Variants in VPS26B observed in about 807,000 individuals in gnomAD.
VPS26B encodes VPS26 retromer complex component B.
Under a neutral mutation model 33.3 loss-of-function variants are expected in VPS26B, and 10 were observed. The observed-to-expected ratio is 0.30, with a 90% confidence interval of 0.19 to 0.51. VPS26B has a LOEUF of 0.51. VPS26B is among the 20% of genes least tolerant of loss of function. The pLI is 0.98. For synonymous variants in VPS26B, 190 were observed against 176.9 expected, an observed-to-expected ratio of 1.07 and a Z score of -0.59; for missense variants, 317 against 452.7, an observed-to-expected ratio of 0.70 and a Z score of 2.72.
rs1938818532 is a variant in VPS26B at position 134,246,289 on chromosome 11, T to C, written c.*699T>C. 1 of 152,388 alleles carries C rather than the reference T, an allele frequency of 6.6e-6. No individual in the cohort carries two copies. The highest frequency in any genetic ancestry group is 2.1e-4 in the South Asian group (1 of 4,830). The allele number at this position is 152,388 out of a possible 1,614,324, so 9.4% of individuals were successfully genotyped here. A position where few individuals can be genotyped will look rare whatever the true frequency, so the allele number is the denominator to read the frequency against. ...CAGTGTCGTGCACGGATGGCGGCAG[T>C]GTTGAACCCAGGAGGCTGAACCCGG... On this transcript the variant is annotated 3_prime_UTR_variant, in exon 6 of 6. Coordinates refer to ENST00000281187, the MANE Select transcript of VPS26B (RefSeq NM_052875.5).
Position 134,247,121 on chromosome 11 carries a change from T to C in VPS26B, c.*1531T>C, listed in dbSNP as rs492761. On this transcript the variant is annotated 3_prime_UTR_variant, in exon 6 of 6. Transcript: ENST00000281187. ...GCTGAGACTGGAGGGAGAGGCATTT[T>C]GGGTAGCCTAGGAGGGCGACTGGCG... is the stretch of plus-strand genomic sequence containing the variant. 0.97 allele frequency: 147,783 copies of C among 152,290 alleles called. 71,790 individuals carry two copies. The highest frequency in any genetic ancestry group is 0.99 in the African/African-American group (40,971 of 41,526). The allele number at this position is 152,290 out of a possible 1,614,324, so 9.4% of individuals were successfully genotyped here.
intron 2 of VPS26B, among the ~76,000 whole-genome samples, chr11:134,237,872 G>T (rs1462841480): frequency 6.6e-6 from 1 of 152,180 alleles, no homozygotes; most frequent in Admixed American, 6.5e-5. Context: ...TGCAGAACCC[G>T]CCTTGTGACA....
chr11:134,234,077 G>A (rs1479891943), intron 1 of VPS26B, among the ~76,000 whole-genome samples: 3 of 152,160 alleles, frequency 2.0e-5, no homozygotes, highest in African/African-American at 7.2e-5. Flanking sequence ...AAACACTAGG[G>A]TGGAGTCCAG....
At chr11:134,241,224 T>A (rs1022991387) in intron 3 of VPS26B, among the ~76,000 whole-genome samples, 2 of 152,220 alleles carry the variant, frequency 1.3e-5, no homozygotes, top group African/African-American at 4.8e-5. Context: ...ATTTTCATTG[T>A]GGCACCCCCT....
At chr11:134,242,994 G>T in intron 3 of VPS26B, 125 bp from the exon 4 acceptor site, 1 of 883,140 alleles carries the variant, frequency 1.1e-6, no homozygotes, top group East Asian at 2.6e-5. Context: ...GGGCAGTGAT[G>T]GGTGAGTGTG....
chr11:134,239,095 C>T (rs1339162318), intron 2 of VPS26B, among the ~76,000 whole-genome samples: 1 of 152,116 alleles, frequency 6.6e-6, no homozygotes, highest in Non-Finnish European at 1.5e-5. Flanking sequence ...GCTGCACTGG[C>T]GGGCCACAGA....
At chr11:134,243,744 A>C (rs541687560) in intron 4 of VPS26B, 5 of 155,094 alleles carry the variant, frequency 3.2e-5, no homozygotes, top group African/African-American at 1.2e-4. Context: ...TAGAAAGAGC[A>C]CTACTAGATA....
Position 134,240,744 on chromosome 11 carries a change from A to G in VPS26B, c.545+589A>G, listed in dbSNP as rs1020515040. Among the ~76,000 whole-genome samples the G allele has an allele frequency of 6.6e-6, 1 of 151,502 alleles. No homozygotes were observed. The highest frequency in any genetic ancestry group is 1.5e-5 in the Non-Finnish European group (1 of 67,932). ...CCTACAAGTAGCTAGGAGCACAGGC[A>G]TGCACCGCCACACCCAGCTAATTTG... On this transcript the variant is annotated intron_variant, in intron 3 of 5. Transcript: ENST00000281187. This position sits in a 1 kb window ranked among gnomAD's most constrained non-coding sequence, Gnocchi z 4.4.
At chr11:134,228,267 A>G (rs1339807413) in intron 1 of VPS26B, among the ~76,000 whole-genome samples, 3 of 151,728 alleles carry the variant, frequency 2.0e-5, no homozygotes, top group East Asian at 3.9e-4. Context: ...TTGGAGGCAC[A>G]GAGTGACTTT....
intron 2 of VPS26B, 21 bp downstream of exon 2, chr11:134,235,074 C>T: frequency 6.2e-7 from 1 of 1,608,598 alleles, no homozygotes; most frequent in Non-Finnish European, 8.5e-7. Context: ...TCTGCTGGTT[C>T]CCCACTGTAC....
rs137976358 is a variant in VPS26B at position 134,231,424 on chromosome 11, C to T, written c.224-3473C>T. Reference sequence around the variant, plus strand: ...TGGAGCAGAGCTGCGCCTGGTGAGGCGTGGGCCGCTCAGAGGTGCCAGTGC... The same window carrying T: ...TGGAGCAGAGCTGCGCCTGGTGAGGTGTGGGCCGCTCAGAGGTGCCAGTGC... On this transcript the variant is annotated intron_variant, in intron 1 of 5. Coordinates refer to ENST00000281187, the MANE Select transcript of VPS26B (RefSeq NM_052875.5). Among the ~76,000 whole-genome samples, 655 of 152,226 alleles carry T rather than the reference C, an allele frequency of 4.3e-3. 4 individuals carry two copies. Among genetic ancestry groups the T allele is most frequent in the African/African-American group, 0.015 (627 of 41,552 alleles).
At position 134,243,119 on chromosome 11, in the gene VPS26B, A is replaced by G. The variant is rs1158475270; in HGVS notation, c.546A>G (p.Lys182=). ...LHIEFEYNKS[K]YHLKDVIVGK... ...ACTTTCTGTACTTTCTGTTCCCCAG[A>G]TACCACTTGAAAGATGTCATTGTAG... The change falls in exon 4 of 6, where the codon AAA becomes AAG. Residue 182 remains lysine, a splice_region_variant and synonymous_variant. Transcript: ENST00000281187. The G allele has an allele frequency of 5.0e-6, 8 of 1,614,082 alleles. No homozygotes were observed. Among genetic ancestry groups the G allele is most frequent in the Non-Finnish European group, 6.8e-6 (8 of 1,180,020 alleles).
At chr11:134,235,743 T>C (rs1938622115) in intron 2 of VPS26B, 1 of 152,210 alleles carries the variant, frequency 6.6e-6, no homozygotes, top group Non-Finnish European at 1.5e-5. Context: ...GTACATGGAT[T>C]GTTTTTACTG....
At chr11:134,235,981 C>T (rs181507267) in intron 2 of VPS26B, among the ~76,000 whole-genome samples, 75 of 152,162 alleles carry the variant, frequency 4.9e-4, no homozygotes, top group African/African-American at 1.7e-3. Context: ...TGGTACACAC[C>T]ACAAGACCTT....
At position 134,224,940 on chromosome 11, in the gene VPS26B, C is replaced by A; in HGVS notation, c.-183C>A. On this transcript the variant is annotated 5_prime_UTR_variant, in exon 1 of 6. Coordinates refer to ENST00000281187, the MANE Select transcript of VPS26B (RefSeq NM_052875.5). ...GCCGCCAGCCTCCCCCGGCCGTGCC[C>A]CTCCCCCGTGGAGCCGGCTGTCCGT... 1 of 315,756 alleles carries A rather than the reference C, an allele frequency of 3.2e-6. No homozygotes were observed. The highest frequency in any genetic ancestry group is 5.3e-6 in the Non-Finnish European group (1 of 189,348). The allele number at this position is 315,756 out of a possible 1,614,324, so 19.6% of individuals were successfully genotyped here. A position where few individuals can be genotyped will look rare whatever the true frequency, so the allele number is the denominator to read the frequency against.
At position 134,246,553 on chromosome 11, in the gene VPS26B, C is replaced by T. The variant is rs534187123; in HGVS notation, c.*963C>T. 1.3e-5 allele frequency: 2 copies of T among 152,524 alleles called. No individual in the cohort carries two copies. Among genetic ancestry groups the T allele is most frequent in the South Asian group, 2.1e-4 (1 of 4,812 alleles). The allele number at this position is 152,524 out of a possible 1,614,324, so 9.4% of individuals were successfully genotyped here. ...ATTTCTGGGAATTGGGGCTTAGTTT[C>T]GAACCTTTGGCAAGGCTGTTCTTAC... On this transcript the variant is annotated 3_prime_UTR_variant, in exon 6 of 6. Transcript: ENST00000281187.
chr11:134,244,677 TA>T lies in VPS26B; in HGVS notation c.722-259del, dbSNP rs984970421. ...TGTAATCAAAAGATGCTTATACTAATAATGACCTGTGCTGTTCCCACTCAGT... is the reference window on the plus strand; with the variant it reads ...TGTAATCAAAAGATGCTTATACTAATATGACCTGTGCTGTTCCCACTCAGT... On this transcript the variant is annotated intron_variant, in intron 4 of 5. Coordinates refer to ENST00000281187, the MANE Select transcript of VPS26B (RefSeq NM_052875.5). The surrounding 1 kb of genome is among the most constrained non-coding windows in gnomAD (Gnocchi z 4.0). 2 of 419,042 alleles carry T rather than the reference TA, an allele frequency of 4.8e-6. No individual in the cohort carries two copies. The highest frequency in any genetic ancestry group is 8.5e-6 in the Non-Finnish European group (2 of 235,236). 26.0% of individuals were successfully genotyped at this position (419,042 alleles called of 1,614,324 possible). A position where few individuals can be genotyped will look rare whatever the true frequency, so the allele number is the denominator to read the frequency against.
chr11:134,230,689 A>C (rs545609127), intron 1 of VPS26B, among the ~76,000 whole-genome samples: 1 of 152,348 alleles, frequency 6.6e-6, no homozygotes, highest in South Asian at 2.1e-4. Context: ...CTTGTGTGTA[A>C]GAACGTAAGA....
At chr11:134,235,923 A>G (rs1490662450) in intron 2 of VPS26B, among the ~76,000 whole-genome samples, 2 of 152,214 alleles carry the variant, frequency 1.3e-5, no homozygotes, top group Non-Finnish European at 2.9e-5. Flanking sequence ...TCTTGATACC[A>G]TCTCATAAGA....
Sources: allele counts gnomAD v4.1 joint callset (sites outside exome capture counted in the v4.1 genomes callset), GRCh38; gene constraint gnomAD v4.1.1; non-coding constraint Gnocchi (gnomAD v3.1); transcripts MANE v1.5; gene names NCBI Gene and HGNC (gene_info 2026-07-23, HGNC 2026-07-21).